The following ARHGEF7 variants were observed in gnomAD, a reference collection of about 807,000 sequenced individuals.
The protein encoded by ARHGEF7 is PAK-interacting exchange factor beta.
ARHGEF7 carries 33 observed loss-of-function variants against 109.8 expected under a neutral mutation model. The ratio of observed to expected loss-of-function variants is 0.30; its 90% CI spans 0.23 to 0.40. The LOEUF is 0.40. Ranked by LOEUF, ARHGEF7 falls within the 10% of genes least tolerant of loss-of-function variation. The pLI is 1.00. For missense variants in ARHGEF7, 938 were observed against 1,098.5 expected (o/e 0.85, Z 2.07); for synonymous variants, 458 against 424.6 (o/e 1.08, Z -0.97).
chr13:111,211,761 T>A (rs147399683), intron 4 of ARHGEF7, among the ~76,000 whole-genome samples: 13 of 152,352 alleles, frequency 8.5e-5, no homozygotes, highest in African/African-American at 2.9e-4. Context: ...TAAGAACTTA[T>A]CTTGAAACAA....
intron 9 of ARHGEF7, among the ~76,000 whole-genome samples, chr13:111,270,215 T>C (rs2092025453): frequency 6.6e-6 from 1 of 151,896 alleles, no homozygotes; most frequent in Non-Finnish European, 1.5e-5. Context: ...TGAAAATGAT[T>C]TTTTTCCCAG....
At position 111,247,947 on chromosome 13, in the gene ARHGEF7, G is replaced by A. The variant is rs532253564; in HGVS notation, c.950+3653G>A. On this transcript the variant is annotated intron_variant, in intron 8 of 21. Coordinates refer to ENST00000646102, the MANE Select transcript of ARHGEF7 (RefSeq NM_001354046.2). Reference sequence around the variant, plus strand: ...GCCCTAACCTCTCCATTCCCTGTGCGTTCTGAGGCCCATGTTTGTTTTCTC... The same window carrying A: ...GCCCTAACCTCTCCATTCCCTGTGCATTCTGAGGCCCATGTTTGTTTTCTC... 2.5e-3 allele frequency among the ~76,000 whole-genome samples: 382 copies of A among 152,268 alleles called. 1 individual carries two copies. Among genetic ancestry groups the A allele is most frequent in the African/African-American group, 7.0e-3 (290 of 41,552 alleles).
chr13:111,149,039 C>T (rs1237230654), intron 1 of ARHGEF7, among the ~76,000 whole-genome samples: 2 of 151,966 alleles, frequency 1.3e-5, no homozygotes, highest in African/African-American at 2.4e-5. Context: ...TGGGCCATAC[C>T]TCACTCTAGC....
At chr13:111,207,353 A>C (rs541470557) in intron 3 of ARHGEF7, among the ~76,000 whole-genome samples, 1 of 152,252 alleles carries the variant, frequency 6.6e-6, no homozygotes, top group Non-Finnish European at 1.5e-5. Context: ...ATATTTGTAG[A>C]GATGGGGTTT....
rs1307387971 is a variant in ARHGEF7 at position 111,275,741 on chromosome 13, G to T, written c.1419+63G>T. On this transcript the variant is annotated intron_variant, in intron 12 of 21. Coordinates refer to ENST00000646102, the MANE Select transcript of ARHGEF7 (RefSeq NM_001354046.2). ...CCACTCTTAGGAGCTCATAGCAGAAGATTTTAAAGGCATCTCAAGCGATGA... is the reference window on the plus strand; with the variant it reads ...CCACTCTTAGGAGCTCATAGCAGAATATTTTAAAGGCATCTCAAGCGATGA... 3.1e-6 allele frequency: 5 copies of T among 1,595,342 alleles called. No homozygotes were observed. The Admixed American group carries it at 5.0e-5, about 16-fold the overall frequency.
chr13:111,127,536 A>T (rs2153335595), intron 1 of ARHGEF7, among the ~76,000 whole-genome samples: 1 of 151,208 alleles, frequency 6.6e-6, no homozygotes, highest in South Asian at 2.1e-4. Flanking sequence ...GGTCCCAGCT[A>T]CTTAGGAGGC....
intron 8 of ARHGEF7, chr13:111,265,572 G>T: frequency 2.2e-6 from 1 of 456,752 alleles, no homozygotes; most frequent in South Asian, 1.5e-5. Context: ...GGAAGTCCGG[G>T]GTCTGAGGTC....
Position 111,217,874 on chromosome 13 carries a change from G to A in ARHGEF7, c.664G>A (p.Ala222Thr). 1 of 1,610,836 alleles carries A rather than the reference G, an allele frequency of 6.2e-7. No homozygotes were observed. Among genetic ancestry groups the A allele is most frequent in the Non-Finnish European group, 8.5e-7 (1 of 1,177,402 alleles). The change falls in exon 5 of 22, where the codon GCC (alanine) becomes ACC (threonine). Residue 222 changes from alanine to threonine, a missense_variant. Ala to Thr is a moderately conservative substitution (Grantham distance 58). This residue lies in a region of ARHGEF7 where 585 missense variants were observed against 723.6 expected (regional missense o/e 0.81). Transcript: ENST00000646102. ...CAGCAACTACGTGCGCGAGGTCAAG[G>A]CCAGCGGTAAGTGGCCGAGCCTGGG... Reference protein sequence around the residue: ...FPSNYVREVKASEKPVSPKSG... With the variant: ...FPSNYVREVKTSEKPVSPKSG...
chr13:111,200,618 C>T (rs2081109936), intron 2 of ARHGEF7, among the ~76,000 whole-genome samples: 1 of 152,206 alleles, frequency 6.6e-6, no homozygotes, highest in African/African-American at 2.4e-5. Flanking sequence ...CAGCTAAATC[C>T]TTCAAAATGA....
intron 9 of ARHGEF7, among the ~76,000 whole-genome samples, chr13:111,271,405 G>A (rs935645112): frequency 6.6e-6 from 1 of 152,200 alleles, no homozygotes; most frequent in Non-Finnish European, 1.5e-5. Context: ...AGAAATGATA[G>A]GAACACATGC....
intron 2 of ARHGEF7, among the ~76,000 whole-genome samples, chr13:111,179,474 T>G (rs2078522500): frequency 6.6e-6 from 1 of 152,238 alleles, no homozygotes; most frequent in Non-Finnish European, 1.5e-5. Flanking sequence ...AGCATGTGTA[T>G]CTTAAAAATA....
At chr13:111,210,559 G>C in intron 4 of ARHGEF7, among the ~76,000 whole-genome samples, 1 of 152,124 alleles carries the variant, frequency 6.6e-6, no homozygotes, top group East Asian at 1.9e-4. Context: ...AAAAATACTC[G>C]TTTAAAAATG....
At chr13:111,246,163 G>T (rs528505774) in intron 8 of ARHGEF7, among the ~76,000 whole-genome samples, 1 of 152,334 alleles carries the variant, frequency 6.6e-6, no homozygotes, top group Admixed American at 6.5e-5. Context: ...ACTTAGAACA[G>T]TAGTGCACAT....
At chr13:111,243,569 TCTTGGCGG>T (rs2088216142) in intron 6 of ARHGEF7, among the ~76,000 whole-genome samples, 1 of 152,242 alleles carries the variant, frequency 6.6e-6, no homozygotes, top group Non-Finnish European at 1.5e-5. Flanking sequence ...CAGTTGTGAT[TCTTGGCGG>T]CTTCTCCTTT....
intron 2 of ARHGEF7, among the ~76,000 whole-genome samples, chr13:111,170,895 TCTG>T (rs1025809859): frequency 2.0e-5 from 3 of 152,250 alleles, no homozygotes; most frequent in African/African-American, 7.2e-5. Context: ...CTCAGTCTTT[TCTG>T]TTGCAGATAT....
chr13:111,243,820 T>TG (rs1713248174), intron 6 of ARHGEF7, 52 bp from the exon 7 acceptor site: 1 of 1,183,924 alleles, frequency 8.4e-7, no homozygotes, highest in South Asian at 1.3e-5. Flanking sequence ...TAAATCTTAG[T>TG]GTCAAATAGC....
At chr13:111,146,208 C>A (rs2075583975) in intron 1 of ARHGEF7, among the ~76,000 whole-genome samples, 1 of 152,078 alleles carries the variant, frequency 6.6e-6, no homozygotes. Context: ...GCATTATTCT[C>A]CAAGTAGGAA....
At chr13:111,257,663 C>G (rs2090593009) in intron 8 of ARHGEF7, among the ~76,000 whole-genome samples, 2 of 152,218 alleles carry the variant, frequency 1.3e-5, no homozygotes, top group South Asian at 4.1e-4. Flanking sequence ...CTTCATATCA[C>G]TGAAGGAGAA....
chr13:111,174,495 C>T (rs1318001486), intron 2 of ARHGEF7, among the ~76,000 whole-genome samples: 1 of 152,192 alleles, frequency 6.6e-6, no homozygotes, highest in African/African-American at 2.4e-5. Context: ...CTTGCTCTTC[C>T]TTCACCTTTC....
Sources: allele counts gnomAD v4.1 joint callset (sites outside exome capture counted in the v4.1 genomes callset), GRCh38; gene constraint gnomAD v4.1.1; regional missense constraint gnomAD v4.1.1; transcripts MANE v1.5; gene names NCBI Gene and HGNC (gene_info 2026-07-23, HGNC 2026-07-21).